The following EGFR variants were observed in gnomAD, a reference collection of about 807,000 sequenced individuals.
EGFR encodes the protein epidermal growth factor receptor, also known as avian erythroblastic leukemia viral (v-erb-b) oncogene homolog.
A neutral mutation model predicts 143.0 loss-of-function variants in EGFR; 58 were observed. The observed-to-expected ratio is 0.41, with a 90% CI of 0.33 to 0.50. The LOEUF (loss-of-function observed/expected upper bound fraction) is 0.50. Among genes scored for constraint, EGFR ranks in the 20% least tolerant of loss-of-function variants. The pLI is 0.39. For synonymous variants in EGFR, 613 were observed against 594.4 expected (o/e 1.03, Z -0.45); for missense variants, 1,307 against 1,579.0 (o/e 0.83, Z 2.92).
Position 55,208,416 on chromosome 7 carries a change from C to T in EGFR, c.*2799C>T, listed in dbSNP as rs1007809086. On this transcript the variant is annotated 3_prime_UTR_variant, in exon 28 of 28. Coordinates refer to ENST00000275493, the MANE Select transcript of EGFR (RefSeq NM_005228.5). ...AAGCCTGTCCATTGGCTGTTTCTTCCTCAGTCAGTTCCTGGAAGACCTTAC... is the reference window on the plus strand; with the variant it reads ...AAGCCTGTCCATTGGCTGTTTCTTCTTCAGTCAGTTCCTGGAAGACCTTAC... 6.6e-6 allele frequency: 1 copy of T among 152,210 alleles called. No individual in the cohort carries two copies. Among genetic ancestry groups the T allele is most frequent in the East Asian group, 1.9e-4 (1 of 5,188 alleles). The allele number at this position is 152,210 out of a possible 1,614,324, so 9.4% of individuals were successfully genotyped here. A position where few individuals can be genotyped will look rare whatever the true frequency, so the allele number is the denominator to read the frequency against.
intron 17 of EGFR, 97 bp from the exon 18 acceptor site, chr7:55,173,824 G>A (rs868452424): frequency 8.2e-5 from 131 of 1,600,892 alleles, no homozygotes; most frequent in Admixed American, 1.2e-4. Context: ...AGCCCATGCC[G>A]TGGCTGCTGG....
rs2128941573 is a variant in EGFR at position 55,160,255 on chromosome 7, C to T, written c.1415C>T (p.Ala472Val). Residue 472 changes from alanine to valine, a missense_variant, in exon 12 of 28, where the codon GCA becomes GTA. Around this residue, in one of 7 missense-constraint regions of EGFR, gnomAD observed 250 missense variants for 295.1 expected, o/e 0.85. Coordinates refer to ENST00000275493, the MANE Select transcript of EGFR (RefSeq NM_005228.5). Reference sequence around the variant, plus strand: ...TCAGGAAACAAAAATTTGTGCTATGCAAATACAATAAACTGGAAAAAACTG... The same window carrying T: ...TCAGGAAACAAAAATTTGTGCTATGTAAATACAATAAACTGGAAAAAACTG... ...IISGNKNLCY[A>V]NTINWKKLFG... is the part of the protein sequence containing the mutation. 2 of 1,614,034 alleles carry T rather than the reference C, an allele frequency of 1.2e-6. No homozygotes were observed. Among genetic ancestry groups the T allele is most frequent in the Non-Finnish European group, 1.7e-6 (2 of 1,180,000 alleles).
rs373332145 is a variant in EGFR, at chr7:55,156,753, T to C, written c.1134-6T>C. 1 of 1,614,192 alleles carries C rather than the reference T, an allele frequency of 6.2e-7. No individual in the cohort carries two copies. Among genetic ancestry groups the C allele is most frequent in the Non-Finnish European group, 8.5e-7 (1 of 1,180,040 alleles). On this transcript the variant is annotated splice_polypyrimidine_tract_variant and splice_region_variant and intron_variant, in intron 9 of 27. Coordinates refer to ENST00000275493, the MANE Select transcript of EGFR (RefSeq NM_005228.5). Reference sequence around the variant, plus strand: ...TGATCAATAATCACCCTGTTGTTTGTTTCAGTGACTCCTTCACACATACTC... The same window carrying C: ...TGATCAATAATCACCCTGTTGTTTGCTTCAGTGACTCCTTCACACATACTC...
intron 1 of EGFR, among the ~76,000 whole-genome samples, chr7:55,115,732 G>C (rs1792799912): frequency 6.6e-6 from 1 of 152,132 alleles, no homozygotes; most frequent in Admixed American, 6.5e-5. Context: ...AGCTTCCTGT[G>C]TGCCCTCCTC....
chr7:55,120,283 C>T (rs905557062), intron 1 of EGFR, among the ~76,000 whole-genome samples: 3 of 152,212 alleles, frequency 2.0e-5, no homozygotes, highest in South Asian at 2.1e-4. Flanking sequence ...TCTGCCTACA[C>T]GTGGAGGGCC....
At chr7:55,157,852 T>G in intron 11 of EGFR, 99 bp downstream of exon 11, 1 of 1,206,084 alleles carries the variant, frequency 8.3e-7, no homozygotes, top group Middle Eastern at 1.9e-4. Flanking sequence ...ACAGAGCTCC[T>G]GCATCTCTCG....
At chr7:55,137,997 A>G (rs1794248618) in intron 1 of EGFR, among the ~76,000 whole-genome samples, 1 of 152,184 alleles carries the variant, frequency 6.6e-6, no homozygotes, top group African/African-American at 2.4e-5. Context: ...GATGACTGCA[A>G]ACTAATATTG....
At chr7:55,022,936 G>A (rs1372232895) in intron 1 of EGFR, among the ~76,000 whole-genome samples, 1 of 152,190 alleles carries the variant, frequency 6.6e-6, no homozygotes, top group Non-Finnish European at 1.5e-5. Context: ...ATTCCTCCCT[G>A]TTTGAAAAGA....
intron 1 of EGFR, among the ~76,000 whole-genome samples, chr7:55,067,627 T>A (rs1166110330): frequency 6.6e-6 from 1 of 151,566 alleles, no homozygotes; most frequent in East Asian, 1.9e-4. Context: ...ATCTGCTACT[T>A]TTGTTTATTA....
chr7:55,146,188 G>A (rs1430242134), intron 3 of EGFR, among the ~76,000 whole-genome samples: 1 of 151,882 alleles, frequency 6.6e-6, no homozygotes. Flanking sequence ...CTGGATGCCA[G>A]CCCCTCACCT....
In EGFR at chr7:55,205,680, G is replaced by A. The variant is rs1788083245; in HGVS notation, c.*63G>A. ...TTTCGATACCCAGGACCAAGCCACAGCAGGTCCTCCATCCCAACAGCCATG... is the reference window on the plus strand; with the variant it reads ...TTTCGATACCCAGGACCAAGCCACAACAGGTCCTCCATCCCAACAGCCATG... On this transcript the variant is annotated 3_prime_UTR_variant, in exon 28 of 28. Coordinates refer to ENST00000275493, the MANE Select transcript of EGFR (RefSeq NM_005228.5). The A allele has an allele frequency of 6.2e-7, 1 of 1,612,602 alleles. No individual in the cohort carries two copies. The highest frequency in any genetic ancestry group is 2.2e-5 in the East Asian group (1 of 44,878).
intron 1 of EGFR, among the ~76,000 whole-genome samples, chr7:55,076,551 A>G (rs1790140998): frequency 6.6e-6 from 1 of 152,198 alleles, no homozygotes; most frequent in Non-Finnish European, 1.5e-5. Flanking sequence ...TGATAGGCCT[A>G]TTTTTACACA....
intron 27 of EGFR, chr7:55,203,108 C>T (rs1230132006): frequency 3.1e-5 from 8 of 255,598 alleles, no homozygotes; most frequent in Non-Finnish European, 5.3e-5. Context: ...CACACATATA[C>T]ACACACATAC....
intron 4 of EGFR, 49 bp from the exon 5 acceptor site, chr7:55,151,245 G>A: frequency 1.9e-6 from 3 of 1,583,406 alleles, no homozygotes; most frequent in Non-Finnish European, 2.6e-6. Flanking sequence ...GGCGTCATCA[G>A]TTTCTCATCA....
intron 1 of EGFR, 52 bp from the exon 2 acceptor site, chr7:55,142,234 A>C: frequency 6.2e-7 from 1 of 1,609,336 alleles, no homozygotes; most frequent in Non-Finnish European, 8.5e-7. Context: ...GTTTTATTTT[A>C]GTTTTTCTGC....
chr7:55,030,468 G>A (rs1011315554), intron 1 of EGFR, among the ~76,000 whole-genome samples: 1 of 152,140 alleles, frequency 6.6e-6, no homozygotes, highest in African/African-American at 2.4e-5. Context: ...CAGTGAATTT[G>A]TGAGCCTTGA....
chr7:55,110,965 TG>T (rs763857477), intron 1 of EGFR, among the ~76,000 whole-genome samples: 6 of 152,228 alleles, frequency 3.9e-5, no homozygotes, highest in Non-Finnish European at 8.8e-5. Context: ...AATGGAGTTT[TG>T]GGGGTTTTCC....
At chr7:55,173,454 C>A (rs1786451302) in intron 17 of EGFR, among the ~76,000 whole-genome samples, 1 of 152,332 alleles carries the variant, frequency 6.6e-6, no homozygotes, top group South Asian at 2.1e-4. Flanking sequence ...GCGAGAGATT[C>A]CTGCTTTGGA....
intron 1 of EGFR, among the ~76,000 whole-genome samples, chr7:55,115,939 G>A (rs1364651673): frequency 6.6e-6 from 1 of 152,210 alleles, no homozygotes; most frequent in Non-Finnish European, 1.5e-5. Context: ...CCACAGCCAT[G>A]CTTCCCATGT....
Sources: allele counts gnomAD v4.1 joint callset (sites outside exome capture counted in the v4.1 genomes callset), GRCh38; gene constraint gnomAD v4.1.1; regional missense constraint gnomAD v4.1.1; transcripts MANE v1.5; gene names NCBI Gene and HGNC (gene_info 2026-07-23, HGNC 2026-07-21).